Variants in GLRA3 observed in about 807,000 individuals in gnomAD.
GLRA3 encodes the protein glycine receptor subunit alpha-3.
Under a neutral mutation model 60.4 loss-of-function variants are expected in GLRA3, and 44 were observed. The ratio of observed to expected loss-of-function variants is 0.73; its 90% confidence interval spans 0.57 to 0.94. The LOEUF is 0.94. Among genes scored for constraint, GLRA3 ranks in the 40% least tolerant of loss-of-function variants. The pLI, the probability that GLRA3 is intolerant of heterozygous loss-of-function variation, is 0.00. For missense variants in GLRA3, 508 were observed against 564.6 expected (o/e 0.90, Z 1.02); for synonymous variants, 223 against 192.9 (o/e 1.16, Z -1.29).
intron 5 of GLRA3, among the ~76,000 whole-genome samples, chr4:174,692,266 T>TG (rs1327004143): frequency 5.2e-5 from 7 of 134,118 alleles, no homozygotes; most frequent in Non-Finnish European, 8.1e-5. Context: ...GCGAGGGAGG[T>TG]GGGGGGGTCA....
intron 8 of GLRA3, among the ~76,000 whole-genome samples, chr4:174,657,255 T>C (rs970250693): frequency 2.0e-5 from 3 of 152,176 alleles, no homozygotes; most frequent in African/African-American, 7.2e-5. Context: ...TCTAAACTTG[T>C]TGTCTAATAC....
In GLRA3 at chr4:174,642,483, G is replaced by A. The variant is rs910894564; in HGVS notation, c.*1303C>T. 2.0e-6 allele frequency: 2 copies of A among 976,858 alleles called. No homozygotes were observed. The highest frequency in any genetic ancestry group is 3.5e-5 in the African/African-American group (2 of 57,070). 60.5% of individuals were successfully genotyped at this position (976,858 alleles called of 1,614,324 possible). ...AAATAGCAAAACTGAAAAAGAGTCA[G>A]AGTCTGGTTCTGTTTACCAAGAACT... On this transcript the variant is annotated 3_prime_UTR_variant, in exon 10 of 10. Transcript: ENST00000274093.
At chr4:174,664,648 A>G (rs1733584958) in intron 7 of GLRA3, among the ~76,000 whole-genome samples, 1 of 152,156 alleles carries the variant, frequency 6.6e-6, no homozygotes, top group African/African-American at 2.4e-5. Context: ...CTAGTCCCTC[A>G]GCGATATCCT....
chr4:174,792,769 A>G (rs1739408546), intron 1 of GLRA3, among the ~76,000 whole-genome samples: 1 of 152,184 alleles, frequency 6.6e-6, no homozygotes. Flanking sequence ...GTTAGGTCAC[A>G]GAAAAATAGA....
chr4:174,804,490 G>A (rs1330751757), intron 1 of GLRA3, among the ~76,000 whole-genome samples: 2 of 152,136 alleles, frequency 1.3e-5, no homozygotes, highest in African/African-American at 2.4e-5. Context: ...TAGGGGTGGA[G>A]AAGAGTGGAA....
intron 1 of GLRA3, among the ~76,000 whole-genome samples, chr4:174,796,630 G>C (rs563835651): frequency 6.6e-6 from 1 of 151,936 alleles, no homozygotes; most frequent in African/African-American, 2.4e-5. Context: ...TCCGCCTCCT[G>C]GGTTCAAGCG....
At chr4:174,810,408 T>G (rs1326464884) in intron 1 of GLRA3, among the ~76,000 whole-genome samples, 4 of 151,890 alleles carry the variant, frequency 2.6e-5, no homozygotes, top group Admixed American at 2.0e-4. Context: ...TAAGTAGTAT[T>G]AATCCCCTAA....
At chr4:174,699,663 A>G (rs1000901088) in intron 5 of GLRA3, among the ~76,000 whole-genome samples, 3 of 152,126 alleles carry the variant, frequency 2.0e-5, no homozygotes, top group Admixed American at 6.6e-5. Context: ...CTTAAGAAGT[A>G]TTTAAGGCAT....
intron 4 of GLRA3, among the ~76,000 whole-genome samples, chr4:174,723,746 C>G (rs1200666644): frequency 6.6e-6 from 1 of 151,888 alleles, no homozygotes; most frequent in Non-Finnish European, 1.5e-5. Context: ...TTTATTTATA[C>G]CCTGTCATGG....
chr4:174,692,004 G>T (rs536914734), intron 5 of GLRA3, among the ~76,000 whole-genome samples: 1 of 150,342 alleles, frequency 6.7e-6, no homozygotes, highest in Non-Finnish European at 1.5e-5. Flanking sequence ...CTGCCCCGCC[G>T]CCCCGTCTGG....
In GLRA3 at chr4:174,793,419, C is replaced by CATTTATTT. The variant is rs776050618; in HGVS notation, c.72-4477_72-4476insAAATAAAT. On this transcript the variant is annotated intron_variant, in intron 1 of 9. Coordinates refer to ENST00000274093, the MANE Select transcript of GLRA3 (RefSeq NM_006529.4). ...TTTTCTTAAGTAATGTCAAAATTTA[C>CATTTATTT]ATTCATTTATTTATTTATTTATTTA... 4.1e-4 allele frequency among the ~76,000 whole-genome samples: 37 copies of CATTTATTT among 89,822 alleles called. 1 individual carries two copies. Among genetic ancestry groups the CATTTATTT allele is most frequent in the South Asian group, 1.2e-3 (4 of 3,290 alleles). 58.9% of individuals were successfully genotyped at this position (89,822 alleles called of 152,430 possible).
chr4:174,782,514 G>C (rs1738925648), intron 2 of GLRA3, among the ~76,000 whole-genome samples: 1 of 151,002 alleles, frequency 6.6e-6, no homozygotes, highest in Non-Finnish European at 1.5e-5. Context: ...ATTAGGAAAA[G>C]AGGAAGTCAA....
At chr4:174,758,306 T>C (rs192111602) in intron 3 of GLRA3, among the ~76,000 whole-genome samples, 319 of 152,280 alleles carry the variant, frequency 2.1e-3, no homozygotes, top group African/African-American at 7.4e-3. Context: ...AAGCTTAACA[T>C]ATTCAATAAT....
At position 174,672,873 on chromosome 4, in the gene GLRA3, C is replaced by A. The variant is rs200181398; in HGVS notation, c.927+4205G>T. 3.3e-5 allele frequency among the ~76,000 whole-genome samples: 5 copies of A among 152,132 alleles called. No individual in the cohort carries two copies. In the East Asian group the frequency reaches 9.7e-4, roughly 29 times the overall value. ...ATAAACTTGAATCTAGAGATTCCCC[C>A]ACCCTGCCAAGTTTCTATCTGTGTA... On this transcript the variant is annotated intron_variant, in intron 7 of 9. Transcript: ENST00000274093.
chr4:174,717,364 AAAGG>A (rs70947458), intron 4 of GLRA3, among the ~76,000 whole-genome samples: 1 of 149,832 alleles, frequency 6.7e-6, no homozygotes. Flanking sequence ...AGAAAGAAGG[AAAGG>A]AAGGAAGGAA....
intron 3 of GLRA3, among the ~76,000 whole-genome samples, chr4:174,763,589 TAAC>T (rs776802226): frequency 1.1e-3 from 166 of 152,304 alleles, no homozygotes; most frequent in Non-Finnish European, 2.2e-3. Flanking sequence ...AGACCCAACT[TAAC>T]AAATGCTTTC....
chr4:174,667,562 T>C (rs1165639357), intron 7 of GLRA3, among the ~76,000 whole-genome samples: 2 of 152,126 alleles, frequency 1.3e-5, no homozygotes, highest in Non-Finnish European at 2.9e-5. Context: ...TTCAGTAATA[T>C]GAATTGTAAG....
At chr4:174,735,311 A>G (rs1055775027) in intron 3 of GLRA3, among the ~76,000 whole-genome samples, 2 of 152,190 alleles carry the variant, frequency 1.3e-5, no homozygotes, top group African/African-American at 4.8e-5. Context: ...CTAAACTCCA[A>G]TTTACTCCAT....
chr4:174,700,306 A>G (rs1366681593), intron 5 of GLRA3, among the ~76,000 whole-genome samples: 2 of 152,204 alleles, frequency 1.3e-5, no homozygotes, highest in African/African-American at 4.8e-5. Context: ...CAAGTCTATC[A>G]GCTCCATTTT....
Sources: gnomAD v4.1 joint callset for allele counts (sites outside exome capture counted in the v4.1 genomes callset) on GRCh38, gnomAD v4.1.1 for gene constraint, MANE v1.5 for transcripts, NCBI Gene and HGNC (gene_info 2026-07-23, HGNC 2026-07-21) for gene names.